The following TBC1D22A variants were observed in gnomAD, a reference collection of about 807,000 sequenced individuals.
TBC1D22A encodes TBC1 domain family member 22A, also known as putative GTPase activator.
Under a neutral mutation model 60.2 loss-of-function variants are expected in TBC1D22A, and 38 were observed. That is an observed-to-expected ratio of 0.63 (90% CI 0.49 to 0.83). TBC1D22A has a LOEUF of 0.83. Among genes scored for constraint, TBC1D22A ranks in the 40% least tolerant of loss-of-function variants. The pLI is 0.00. For synonymous variants in TBC1D22A, 302 were observed against 281.7 expected, an observed-to-expected ratio of 1.07 and a Z score of -0.72; for missense variants, 628 against 701.0, an observed-to-expected ratio of 0.90 and a Z score of 1.18.
chr22:46,969,268 C>T (rs2073953906), intron 8 of TBC1D22A, among the ~76,000 whole-genome samples: 1 of 152,164 alleles, frequency 6.6e-6, no homozygotes, highest in African/African-American at 2.4e-5. Context: ...TTCCCTTTTA[C>T]TCTCTGCCCT....
chr22:47,023,963 A>G (rs948870988), intron 10 of TBC1D22A, among the ~76,000 whole-genome samples: 2 of 152,254 alleles, frequency 1.3e-5, no homozygotes, highest in African/African-American at 4.8e-5. Context: ...TGTTATTGAA[A>G]TATCTTCAAA....
chr22:46,880,285 CT>C (rs1371715430), intron 5 of TBC1D22A, among the ~76,000 whole-genome samples: 1 of 152,124 alleles, frequency 6.6e-6, no homozygotes, highest in African/African-American at 2.4e-5. Flanking sequence ...TGGTTACATT[CT>C]TTTGAGTTTC....
At chr22:46,764,212 C>G (rs1449726171) in intron 1 of TBC1D22A, 1 of 152,226 alleles carries the variant, frequency 6.6e-6, no homozygotes, top group African/African-American at 2.4e-5. Context: ...GCCGGAGACC[C>G]TATTCGACTC....
At chr22:46,891,823 G>A (rs1341617244) in intron 6 of TBC1D22A, among the ~76,000 whole-genome samples, 1 of 152,064 alleles carries the variant, frequency 6.6e-6, no homozygotes. Flanking sequence ...TGGGCTCTTC[G>A]GTCTAGGTAG....
At chr22:46,828,858 G>T (rs74657749) in intron 4 of TBC1D22A, among the ~76,000 whole-genome samples, 2 of 152,142 alleles carry the variant, frequency 1.3e-5, no homozygotes, top group Non-Finnish European at 2.9e-5. Flanking sequence ...CACGTTGAGC[G>T]CTCATTTCCT....
chr22:46,953,237 TTA>T (rs1171188736), intron 8 of TBC1D22A, among the ~76,000 whole-genome samples: 1 of 152,206 alleles, frequency 6.6e-6, no homozygotes, highest in South Asian at 2.1e-4. Flanking sequence ...CAATATTACA[TTA>T]TATGTTTTAT....
At chr22:46,965,417 G>A (rs1439265119) in intron 8 of TBC1D22A, among the ~76,000 whole-genome samples, 2 of 152,208 alleles carry the variant, frequency 1.3e-5, no homozygotes, top group Admixed American at 6.5e-5. Context: ...GGATTCCGAC[G>A]GCCCCCGTCT....
intron 11 of TBC1D22A, among the ~76,000 whole-genome samples, chr22:47,065,287 G>T (rs1339982631): frequency 6.6e-6 from 1 of 152,244 alleles, no homozygotes; most frequent in East Asian, 1.9e-4. Flanking sequence ...GAGCCACCAT[G>T]CCCGGCCTAA....
At chr22:47,022,565 C>G (rs1469446361) in intron 10 of TBC1D22A, among the ~76,000 whole-genome samples, 1 of 150,740 alleles carries the variant, frequency 6.6e-6, no homozygotes, top group African/African-American at 2.5e-5. Flanking sequence ...AAAAAAAACA[C>G]CAAAACAAAC....
At chr22:47,061,472 G>C (rs898258234) in intron 11 of TBC1D22A, among the ~76,000 whole-genome samples, 7 of 152,066 alleles carry the variant, frequency 4.6e-5, no homozygotes, top group African/African-American at 1.7e-4. Flanking sequence ...CCAGCACTTG[G>C]CAGAGCCCTT....
chr22:47,118,734 G>T (rs924262152), intron 12 of TBC1D22A, among the ~76,000 whole-genome samples: 3 of 152,062 alleles, frequency 2.0e-5, no homozygotes, highest in Non-Finnish European at 4.4e-5. Context: ...CCAGCAAGGA[G>T]GACCGAGATA....
At chr22:47,123,037 T>A (rs978733621) in intron 12 of TBC1D22A, among the ~76,000 whole-genome samples, 1 of 152,104 alleles carries the variant, frequency 6.6e-6, no homozygotes, top group East Asian at 1.9e-4. Context: ...TCATTTCTAG[T>A]TTTTTCTTAC....
chr22:46,937,757 A>C (rs997754099), intron 8 of TBC1D22A, among the ~76,000 whole-genome samples: 1 of 152,164 alleles, frequency 6.6e-6, no homozygotes, highest in Admixed American at 6.5e-5. Flanking sequence ...TGTGATATTG[A>C]TGATCCTGTG....
chr22:46,815,804 T>C (rs2085569750), intron 4 of TBC1D22A, among the ~76,000 whole-genome samples: 1 of 152,060 alleles, frequency 6.6e-6, no homozygotes, highest in South Asian at 2.1e-4. Flanking sequence ...GATGGGTGCC[T>C]GGACCTCCGT....
chr22:46,892,909 G>A (rs1014597591), intron 6 of TBC1D22A, among the ~76,000 whole-genome samples: 3 of 152,230 alleles, frequency 2.0e-5, no homozygotes, highest in African/African-American at 4.8e-5. Context: ...CTGTGGCAAC[G>A]CGGTAGTTTT....
At chr22:47,003,064 C>G (rs139916200) in intron 10 of TBC1D22A, among the ~76,000 whole-genome samples, 5 of 152,254 alleles carry the variant, frequency 3.3e-5, no homozygotes, top group African/African-American at 9.6e-5. Flanking sequence ...ACCTTCTAAC[C>G]CCACGGAACC....
At chr22:47,131,697 C>T (rs752243863) in intron 12 of TBC1D22A, among the ~76,000 whole-genome samples, 1 of 152,232 alleles carries the variant, frequency 6.6e-6, no homozygotes, top group South Asian at 2.1e-4. Flanking sequence ...CGTTGGTCAT[C>T]TTGCCTCACT....
chr22:47,157,951 G>A (rs2067791308), intron 12 of TBC1D22A, among the ~76,000 whole-genome samples: 1 of 152,222 alleles, frequency 6.6e-6, no homozygotes, highest in African/African-American at 2.4e-5. Context: ...CTCGGTGGCT[G>A]GATGGGCGTC....
chr22:46,830,415 A>G (rs556353427), intron 4 of TBC1D22A, among the ~76,000 whole-genome samples: 183 of 152,350 alleles, frequency 1.2e-3, no homozygotes, highest in Non-Finnish European at 2.1e-3. Flanking sequence ...AGGGCTAGAA[A>G]TCGCAGGGCG....
Sources: gnomAD v4.1 joint callset for allele counts (sites outside exome capture counted in the v4.1 genomes callset) on GRCh38, gnomAD v4.1.1 for gene constraint, MANE v1.5 for transcripts, NCBI Gene and HGNC (gene_info 2026-07-23, HGNC 2026-07-21) for gene names.